The following CYP39A1 variants were observed in gnomAD, a reference collection of about 807,000 sequenced individuals.
CYP39A1 encodes cytochrome P450 family 39 subfamily A member 1.
Under a neutral mutation model 58.1 loss-of-function variants are expected in CYP39A1, and 49 were observed. The ratio of observed to expected loss-of-function variants is 0.84; its 90% CI spans 0.67 to 1.07. CYP39A1 has a LOEUF of 1.07. Ranked by LOEUF, CYP39A1 falls within the 50% of genes least tolerant of loss-of-function variation. CYP39A1 has a pLI of 0.00. For synonymous variants in CYP39A1, 209 were observed against 187.6 expected, an observed-to-expected ratio of 1.11 and a Z score of -0.93; for missense variants, 531 against 539.4, an observed-to-expected ratio of 0.98 and a Z score of 0.16.
chr6:46,550,832 T>G (rs1348539830), intron 11 of CYP39A1, among the ~76,000 whole-genome samples: 1 of 152,208 alleles, frequency 6.6e-6, no homozygotes, highest in Non-Finnish European at 1.5e-5. Context: ...TAAAGAATGA[T>G]GTGGAGTTGG....
chr6:46,642,019 C>T, intron 2 of CYP39A1, 144 bp downstream of exon 2: 2 of 875,322 alleles, frequency 2.3e-6, no homozygotes, highest in Non-Finnish European at 3.6e-6. Context: ...ACCCATAACT[C>T]TTTCCTCTTC....
intron 7 of CYP39A1, among the ~76,000 whole-genome samples, chr6:46,621,712 T>C (rs368507106): frequency 3.9e-5 from 6 of 152,290 alleles, no homozygotes; most frequent in Admixed American, 1.3e-4. Context: ...GATCACTTCA[T>C]TGGTGAATTC....
In CYP39A1 at chr6:46,564,577, C is replaced by A. The variant is rs61420144; in HGVS notation, c.1251-10723G>T. On this transcript the variant is annotated intron_variant, in intron 10 of 11. Transcript: ENST00000275016. Reference sequence around the variant, plus strand: ...GGAGTAAAGGATAACTCCAAAAACCCAGGTGTCTAAGAGAGCAGTGATAGA... The same window carrying A: ...GGAGTAAAGGATAACTCCAAAAACCAAGGTGTCTAAGAGAGCAGTGATAGA... Among the ~76,000 whole-genome samples the A allele has an allele frequency of 2.6e-3, 391 of 152,136 alleles. 2 individuals carry two copies. Among genetic ancestry groups the A allele is most frequent in the African/African-American group, 8.2e-3 (340 of 41,508 alleles).
At chr6:46,562,650 G>A (rs879410876) in intron 10 of CYP39A1, among the ~76,000 whole-genome samples, 3 of 151,646 alleles carry the variant, frequency 2.0e-5, no homozygotes, top group Admixed American at 6.6e-5. Flanking sequence ...ATTTTTAAAA[G>A]TTTGAAGCTG....
chr6:46,579,267 A>T (rs1771999446), intron 10 of CYP39A1, among the ~76,000 whole-genome samples: 1 of 152,158 alleles, frequency 6.6e-6, no homozygotes, highest in Admixed American at 6.5e-5. Context: ...ATACATGATC[A>T]TCTCAATAGA....
intron 7 of CYP39A1, among the ~76,000 whole-genome samples, chr6:46,624,132 T>C (rs993815198): frequency 4.6e-5 from 7 of 152,208 alleles, no homozygotes; most frequent in South Asian, 4.1e-4. Context: ...TACACTTCTG[T>C]TGTGGCCTTT....
chr6:46,556,600 C>T (rs1205423131), intron 10 of CYP39A1, among the ~76,000 whole-genome samples: 1 of 152,126 alleles, frequency 6.6e-6, no homozygotes, highest in Non-Finnish European at 1.5e-5. Context: ...AAAGTCTCAC[C>T]ATTGTACAGC....
Position 46,652,574 on chromosome 6 carries a change from T to A in CYP39A1, c.9A>T (p.Leu3=). 6.2e-7 allele frequency: 1 copy of A among 1,600,768 alleles called. No individual in the cohort carries two copies. Among genetic ancestry groups the A allele is most frequent in the Non-Finnish European group, 8.5e-7 (1 of 1,174,282 alleles). The change falls in exon 1 of 12, where the codon CTA becomes CTT. Residue 3 remains leucine, a synonymous_variant. Coordinates refer to ENST00000275016, the MANE Select transcript of CYP39A1 (RefSeq NM_016593.5). The part of the protein sequence containing the change: ME[L]ISPTVIIILG... ...GGATTATAATCACTGTTGGGGAAAT[T>A]AGTTCCATGTTTTTGTCCAGCACCT...
intron 1 of CYP39A1, among the ~76,000 whole-genome samples, chr6:46,649,810 G>A (rs997994504): frequency 4.6e-5 from 7 of 152,096 alleles, no homozygotes; most frequent in Non-Finnish European, 7.4e-5. Context: ...TTTTTGAACC[G>A]TATAAATGCA....
At chr6:46,614,188 A>T (rs368606273) in intron 7 of CYP39A1, among the ~76,000 whole-genome samples, 4 of 152,280 alleles carry the variant, frequency 2.6e-5, no homozygotes, top group East Asian at 3.9e-4. Flanking sequence ...TATTGAGAAT[A>T]CATAAAACTC....
At chr6:46,584,919 T>C (rs999091214) in intron 10 of CYP39A1, among the ~76,000 whole-genome samples, 1 of 152,162 alleles carries the variant, frequency 6.6e-6, no homozygotes, top group Non-Finnish European at 1.5e-5. Flanking sequence ...ATTAATTGAA[T>C]GTCCACTTTG....
chr6:46,652,212 T>C (rs549753073), intron 1 of CYP39A1, among the ~76,000 whole-genome samples, 194 bp downstream of exon 1: 2 of 152,372 alleles, frequency 1.3e-5, no homozygotes, highest in Non-Finnish European at 2.9e-5. Flanking sequence ...TTGTATTTCA[T>C]TTCTTTCGCA....
At chr6:46,557,173 T>A (rs909296147) in intron 10 of CYP39A1, among the ~76,000 whole-genome samples, 3 of 151,948 alleles carry the variant, frequency 2.0e-5, no homozygotes, top group Admixed American at 2.0e-4. Context: ...AATAAAAGCC[T>A]ATAAAAATAA....
chr6:46,586,342 T>C (rs1199708963), intron 10 of CYP39A1: 1 of 984,468 alleles, frequency 1.0e-6, no homozygotes, highest in Non-Finnish European at 1.2e-6. Context: ...GGTACTGACA[T>C]TTCCCCTACA....
intron 3 of CYP39A1, 127 bp from the exon 4 acceptor site, chr6:46,638,105 GA>G (rs2150591852): frequency 3.2e-6 from 3 of 926,846 alleles, no homozygotes; most frequent in East Asian, 2.9e-5. Flanking sequence ...ATTCTCTTGG[GA>G]AAAAGTCACT....
At chr6:46,563,732 T>C (rs1771104904) in intron 10 of CYP39A1, among the ~76,000 whole-genome samples, 1 of 152,118 alleles carries the variant, frequency 6.6e-6, no homozygotes, top group Non-Finnish European at 1.5e-5. Flanking sequence ...TTTAAATAAG[T>C]AGACTTGTTG....
At chr6:46,562,497 G>A (rs1259135841) in intron 10 of CYP39A1, among the ~76,000 whole-genome samples, 1 of 151,922 alleles carries the variant, frequency 6.6e-6, no homozygotes. Flanking sequence ...GCCAGGCATG[G>A]TGGCTCATGC....
intron 5 of CYP39A1, among the ~76,000 whole-genome samples, chr6:46,635,175 C>A (rs995332668): frequency 1.3e-5 from 2 of 152,146 alleles, no homozygotes; most frequent in African/African-American, 4.8e-5. Flanking sequence ...ACTTTTGATG[C>A]CATCTTTAAA....
chr6:46,647,070 G>C (rs906568900), intron 1 of CYP39A1, among the ~76,000 whole-genome samples: 13 of 150,240 alleles, frequency 8.7e-5, no homozygotes, highest in African/African-American at 2.7e-4. Context: ...CCTTCCTTCT[G>C]CTTTATTTGG....
Sources: allele counts gnomAD v4.1 joint callset (sites outside exome capture counted in the v4.1 genomes callset), GRCh38; gene constraint gnomAD v4.1.1; transcripts MANE v1.5; gene names NCBI Gene and HGNC (gene_info 2026-07-23, HGNC 2026-07-21).